Variants in DLGAP2 observed in about 807,000 individuals in gnomAD.
The protein encoded by DLGAP2 is DLG associated protein 2, also known as disks large-associated protein 2.
DLGAP2 carries 26 observed loss-of-function variants against 100.3 expected under a neutral mutation model. The ratio of observed to expected loss-of-function variants is 0.26; its 90% CI spans 0.19 to 0.36. The LOEUF is 0.36. DLGAP2 is among the 10% of genes least tolerant of loss of function. The probability of loss-of-function intolerance (pLI) is 1.00; values close to 1 mark genes in which losing one functional copy is unlikely to be tolerated. For synonymous variants in DLGAP2, 886 were observed against 630.1 expected (o/e 1.41, Z -6.08); for missense variants, 1,858 against 1,453.2 (o/e 1.28, Z -4.53).
At chr8:1,312,530 G>T (rs933282171) in intron 3 of DLGAP2, among the ~76,000 whole-genome samples, 1 of 152,178 alleles carries the variant, frequency 6.6e-6, no homozygotes, top group Non-Finnish European at 1.5e-5. Flanking sequence ...GTTTCTGGGG[G>T]CTTGGGGGAG....
intron 2 of DLGAP2, among the ~76,000 whole-genome samples, chr8:985,460 C>T (rs1010215181): frequency 2.0e-5 from 3 of 152,224 alleles, no homozygotes; most frequent in Non-Finnish European, 2.9e-5. Flanking sequence ...CATCCATGTG[C>T]CAGCACATCC....
At chr8:845,986 C>T (rs74514401) in intron 1 of DLGAP2, among the ~76,000 whole-genome samples, 28,251 of 152,156 alleles carry the variant, frequency 0.19, 3,411 homozygotes, top group Admixed American at 0.37. Flanking sequence ...TGAGTTTCTT[C>T]GTAAACGTTT....
chr8:1,623,538 C>G (rs568419116), intron 6 of DLGAP2, among the ~76,000 whole-genome samples: 1 of 148,224 alleles, frequency 6.7e-6, no homozygotes, highest in African/African-American at 2.5e-5. Flanking sequence ...CATGACCTGA[C>G]ACCAGTGCGT....
chr8:1,459,745 G>A (rs1798421765), intron 3 of DLGAP2, among the ~76,000 whole-genome samples: 1 of 143,520 alleles, frequency 7.0e-6, no homozygotes, highest in African/African-American at 2.6e-5. Flanking sequence ...GAGTGCAGTG[G>A]CACAATCTTG....
chr8:1,501,261 T>G, intron 3 of DLGAP2, 105 bp from the exon 4 acceptor site: 1 of 1,205,664 alleles, frequency 8.3e-7, no homozygotes, highest in Non-Finnish European at 1.2e-6. Flanking sequence ...AAGGTGTCTG[T>G]CATGTTTGAA....
intron 2 of DLGAP2, among the ~76,000 whole-genome samples, chr8:1,052,252 G>A (rs1185810831): frequency 6.6e-6 from 1 of 152,184 alleles, no homozygotes; most frequent in Non-Finnish European, 1.5e-5. Context: ...AGCCCAGGGG[G>A]TTTTACCTCA....
intron 3 of DLGAP2, among the ~76,000 whole-genome samples, chr8:1,304,650 A>T (rs1585241641): frequency 6.6e-6 from 1 of 152,220 alleles, no homozygotes. Flanking sequence ...CCTTAAAGAT[A>T]AATACAGTGC....
chr8:1,575,699 A>T (rs922208776), intron 6 of DLGAP2, among the ~76,000 whole-genome samples: 8 of 136,774 alleles, frequency 5.8e-5, no homozygotes, highest in African/African-American at 2.2e-4. Context: ...ATTCCCACCT[A>T]TGAGTGAGAA....
chr8:1,418,725 C>T (rs1351598406), intron 3 of DLGAP2, among the ~76,000 whole-genome samples: 1 of 152,212 alleles, frequency 6.6e-6, no homozygotes, highest in East Asian at 1.9e-4. Context: ...CACCGTTTCT[C>T]CCACTACCAG....
intron 1 of DLGAP2, among the ~76,000 whole-genome samples, chr8:791,614 C>T (rs928851487): frequency 3.3e-5 from 5 of 152,008 alleles, no homozygotes; most frequent in Admixed American, 1.3e-4. Context: ...TGATGTGCAC[C>T]GTGTGCTGTG....
chr8:889,468 G>A (rs148458706), intron 1 of DLGAP2, among the ~76,000 whole-genome samples: 2,884 of 152,298 alleles, frequency 0.019, 48 homozygotes, highest in Middle Eastern at 0.044. Flanking sequence ...GAGTTCTGGG[G>A]TCTGTCCCTG....
At chr8:813,642 C>T (rs967718529) in intron 1 of DLGAP2, among the ~76,000 whole-genome samples, 2 of 152,174 alleles carry the variant, frequency 1.3e-5, no homozygotes, top group African/African-American at 4.8e-5. Flanking sequence ...CTCGCTGATG[C>T]TGCTGGCTGA....
intron 8 of DLGAP2, among the ~76,000 whole-genome samples, chr8:1,647,866 G>T (rs994431188): frequency 3.9e-5 from 6 of 152,138 alleles, no homozygotes; most frequent in Non-Finnish European, 8.8e-5. Context: ...CAGCCTCCTT[G>T]TTCATAGGCA....
intron 8 of DLGAP2, among the ~76,000 whole-genome samples, chr8:1,633,346 G>A (rs949642323): frequency 6.6e-6 from 1 of 152,166 alleles, no homozygotes; most frequent in Non-Finnish European, 1.5e-5. Flanking sequence ...CATTTGGAAG[G>A]TGATTAAGTT....
chr8:1,172,208 G>A (rs916989589), intron 2 of DLGAP2, among the ~76,000 whole-genome samples: 2 of 151,996 alleles, frequency 1.3e-5, no homozygotes, highest in Admixed American at 1.3e-4. Context: ...GTTGAATATT[G>A]GCCCCCACTC....
chr8:864,513 T>C (rs1002347727), intron 1 of DLGAP2, among the ~76,000 whole-genome samples: 3 of 152,204 alleles, frequency 2.0e-5, no homozygotes, highest in Non-Finnish European at 4.4e-5. Flanking sequence ...GGGACATCTT[T>C]TGGCCAGAAA....
At chr8:1,202,551 A>G (rs1364263445) in intron 2 of DLGAP2, among the ~76,000 whole-genome samples, 2 of 152,166 alleles carry the variant, frequency 1.3e-5, no homozygotes, top group Admixed American at 1.3e-4. Flanking sequence ...CCATTTTCTA[A>G]TGCAGAGGAA....
rs1177118936 is a variant in DLGAP2, at chr8:1,388,596, G to T, written c.107-112770G>T. On this transcript the variant is annotated intron_variant, in intron 3 of 14. Coordinates refer to ENST00000637795, the MANE Select transcript of DLGAP2 (RefSeq NM_001346810.2). ...AGGCACTGGTTCAGGTGTCAGGGCTGTGAGAGCAGAGGCCGTGGATGGGGA... is the reference window on the plus strand; with the variant it reads ...AGGCACTGGTTCAGGTGTCAGGGCTTTGAGAGCAGAGGCCGTGGATGGGGA... Among the ~76,000 whole-genome samples the T allele has an allele frequency of 2.4e-5, 2 of 81,634 alleles. 1 individual carries two copies. The highest frequency in any genetic ancestry group is 2.4e-4 in the Admixed American group (2 of 8,350). 53.6% of individuals were successfully genotyped at this position (81,634 alleles called of 152,430 possible).
intron 2 of DLGAP2, among the ~76,000 whole-genome samples, chr8:1,003,626 G>A (rs1801023903): frequency 1.3e-5 from 2 of 152,212 alleles, no homozygotes; most frequent in Non-Finnish European, 2.9e-5. Context: ...CTTCTGCTCT[G>A]TGATGTGAGC....
Sources: gnomAD v4.1 joint callset for allele counts (sites outside exome capture counted in the v4.1 genomes callset) on GRCh38, gnomAD v4.1.1 for gene constraint, MANE v1.5 for transcripts, NCBI Gene and HGNC (gene_info 2026-07-23, HGNC 2026-07-21) for gene names.